The following DRGX variants were observed in gnomAD, a reference collection of about 807,000 sequenced individuals.
DRGX encodes the protein dorsal root ganglia homeobox.
DRGX carries 21 observed loss-of-function variants against 28.6 expected under a neutral mutation model. The ratio of observed to expected loss-of-function variants is 0.73; its 90% CI spans 0.52 to 1.06. The LOEUF is 1.06. Among genes scored for constraint, DRGX ranks in the 50% least tolerant of loss-of-function variants. DRGX has a pLI of 0.00. For missense variants in DRGX, 354 were observed against 343.9 expected, an observed-to-expected ratio of 1.03 and a Z score of -0.23; for synonymous variants, 136 against 139.1, an observed-to-expected ratio of 0.98 and a Z score of 0.16.
rs1180822568 is a variant in DRGX at position 49,365,466 on chromosome 10, C to G, written c.*650G>C. On this transcript the variant is annotated 3_prime_UTR_variant, in exon 7 of 7. Coordinates refer to ENST00000374139, the MANE Select transcript of DRGX (RefSeq NM_001276451.2). ...GGTGGCCTGGGTGATTAGCCCAGCC[C>G]CCCGGCCAGATGTGCCAGTGAGATC... 1 of 152,352 alleles carries G rather than the reference C, an allele frequency of 6.6e-6. No individual in the cohort carries two copies. Among genetic ancestry groups the G allele is most frequent in the Non-Finnish European group, 1.5e-5 (1 of 68,150 alleles). The allele number at this position is 152,352 out of a possible 1,614,324, so 9.4% of individuals were successfully genotyped here.
intron 6 of DRGX, among the ~76,000 whole-genome samples, chr10:49,371,977 G>A (rs1849664142): frequency 6.6e-6 from 1 of 152,098 alleles, no homozygotes; most frequent in Non-Finnish European, 1.5e-5. Context: ...ACACATTGAT[G>A]GTTAATGCTG....
intron 4 of DRGX, 59 bp downstream of exon 4, chr10:49,390,074 C>CA (rs1055354870): frequency 2.2e-5 from 33 of 1,505,820 alleles, no homozygotes; most frequent in African/African-American, 7.1e-5. Flanking sequence ...GTCATGATGT[C>CA]AAAAAAAAGT....
chr10:49,394,204 C>T (rs1849941230), intron 2 of DRGX, among the ~76,000 whole-genome samples: 1 of 152,148 alleles, frequency 6.6e-6, no homozygotes, highest in Non-Finnish European at 1.5e-5. Context: ...GCTGACAGAG[C>T]TAGCAGGGCT....
chr10:49,383,247 A>T (rs1438168978), intron 6 of DRGX, among the ~76,000 whole-genome samples: 1 of 152,226 alleles, frequency 6.6e-6, no homozygotes, highest in Non-Finnish European at 1.5e-5. Context: ...TACCGTGAGA[A>T]TTGAATGGCA....
At chr10:49,374,489 G>T (rs924195990) in intron 6 of DRGX, among the ~76,000 whole-genome samples, 4 of 152,136 alleles carry the variant, frequency 2.6e-5, no homozygotes, top group Non-Finnish European at 5.9e-5. Flanking sequence ...CATCACAAAA[G>T]TCTTTGTAAG....
Position 49,379,452 on chromosome 10 carries a change from T to A in DRGX, c.526+7026A>T, listed in dbSNP as rs762701755. Among the ~76,000 whole-genome samples, 45 of 152,334 alleles carry A rather than the reference T, an allele frequency of 3.0e-4. 1 individual carries two copies. Among genetic ancestry groups the A allele is most frequent in the Middle Eastern group, 6.8e-3 (2 of 294 alleles). On this transcript the variant is annotated intron_variant, in intron 6 of 6. Transcript: ENST00000374139. ...ATTTTTTAAAACATCACAATTTTTT[T>A]AAAAAGGAAAACATCGTTAAAGAAG...
chr10:49,380,707 G>T (rs534005861), intron 6 of DRGX, among the ~76,000 whole-genome samples: 1 of 152,218 alleles, frequency 6.6e-6, no homozygotes, highest in South Asian at 2.1e-4. Context: ...AAAAATTGGA[G>T]CAACAAGGAT....
intron 2 of DRGX, 107 bp downstream of exon 2, chr10:49,395,300 G>GC: frequency 1.4e-6 from 2 of 1,401,516 alleles, no homozygotes. Context: ...AGGCGGCTGC[G>GC]CCCCCCGCAG....
At chr10:49,379,136 A>G (rs984859398) in intron 6 of DRGX, among the ~76,000 whole-genome samples, 13 of 152,238 alleles carry the variant, frequency 8.5e-5, no homozygotes, top group African/African-American at 3.1e-4. Flanking sequence ...GCAAAATCAG[A>G]AACACTTCTG....
intron 6 of DRGX, among the ~76,000 whole-genome samples, chr10:49,381,813 C>T (rs1202321158): frequency 6.6e-6 from 1 of 152,204 alleles, no homozygotes; most frequent in Non-Finnish European, 1.5e-5. Context: ...GGGCCCGAAC[C>T]TCCGTGGCCT....
At chr10:49,385,942 C>G (rs890736650) in intron 6 of DRGX, among the ~76,000 whole-genome samples, 1 of 152,166 alleles carries the variant, frequency 6.6e-6, no homozygotes, top group Non-Finnish European at 1.5e-5. Context: ...CACAGAGGCT[C>G]CTCTCTCTGA....
rs1438071560 is a variant in DRGX, at chr10:49,366,282, A to T, written c.626T>A (p.Leu209Gln). Residue 209 changes from leucine (L) to glutamine (Q), a missense_variant, in exon 7 of 7, where the codon CTG becomes CAG. Leu to Gln is a moderately radical substitution (Grantham distance 113). Coordinates refer to ENST00000374139, the MANE Select transcript of DRGX (RefSeq NM_001276451.2). The part of the protein sequence containing the change: ...QSNRTASVAT[L>Q]RMKAREHSEA... ...TGAGTGCTCGCGGGCCTTCATGCGC[A>T]GGGTGGCCACGCTGGCCGTGCGGTT... 1.9e-6 allele frequency: 3 copies of T among 1,613,808 alleles called. No individual in the cohort carries two copies. Among genetic ancestry groups the T allele is most frequent in the South Asian group, 2.2e-5 (2 of 91,084 alleles).
At position 49,366,261 on chromosome 10, in the gene DRGX, T is replaced by A; in HGVS notation, c.647A>T (p.His216Leu). ...VATLRMKARE[H>L]SEAVLQSANL... ...GGCTGACTGCAGGACAGCTTCTGAG[T>A]GCTCGCGGGCCTTCATGCGCAGGGT... is the stretch of plus-strand genomic sequence containing the variant. Residue 216 changes from histidine to leucine, a missense_variant, in exon 7 of 7, where the codon CAC (histidine) becomes CTC (leucine). Transcript: ENST00000374139. The A allele has an allele frequency of 6.2e-7, 1 of 1,613,912 alleles. No individual in the cohort carries two copies. Among genetic ancestry groups the A allele is most frequent in the Non-Finnish European group, 8.5e-7 (1 of 1,179,862 alleles).
At chr10:49,374,963 A>C (rs376502663) in intron 6 of DRGX, among the ~76,000 whole-genome samples, 37 of 152,250 alleles carry the variant, frequency 2.4e-4, no homozygotes, top group African/African-American at 7.7e-4. Context: ...TTGTAGTAAA[A>C]TAAATAAACT....
At chr10:49,382,788 C>T (rs571054548) in intron 6 of DRGX, among the ~76,000 whole-genome samples, 27 of 152,328 alleles carry the variant, frequency 1.8e-4, no homozygotes, top group Middle Eastern at 3.4e-3. Context: ...TATGCCATTC[C>T]CTACACCCAG....
intron 6 of DRGX, among the ~76,000 whole-genome samples, chr10:49,383,579 T>C (rs568893029): frequency 7.6e-4 from 115 of 152,254 alleles, no homozygotes; most frequent in Non-Finnish European, 2.4e-4. Context: ...AAGATGGAAA[T>C]TGTTACGGAC....
At chr10:49,391,336 G>A (rs1242161070) in intron 2 of DRGX, 75 bp from the exon 3 acceptor site, 16 of 1,255,966 alleles carry the variant, frequency 1.3e-5, no homozygotes, top group Non-Finnish European at 1.8e-5. Context: ...ACAGTTCAGA[G>A]GGCACCCACC....
chr10:49,379,812 G>A (rs1023447643), intron 6 of DRGX, among the ~76,000 whole-genome samples: 16 of 152,184 alleles, frequency 1.1e-4, no homozygotes, highest in African/African-American at 2.7e-4. Context: ...TGCACCACGC[G>A]GGGCACTTGA....
chr10:49,373,405 G>A (rs185631297), intron 6 of DRGX, among the ~76,000 whole-genome samples: 1 of 152,306 alleles, frequency 6.6e-6, no homozygotes, highest in Admixed American at 6.5e-5. Flanking sequence ...ATATATGCGT[G>A]TGTATAAAAC....
Sources: gnomAD v4.1 joint callset for allele counts (sites outside exome capture counted in the v4.1 genomes callset) on GRCh38, gnomAD v4.1.1 for gene constraint, MANE v1.5 for transcripts, NCBI Gene and HGNC (gene_info 2026-07-23, HGNC 2026-07-21) for gene names.